The following ZSCAN30 variants were observed in gnomAD, a reference collection of about 807,000 sequenced individuals.
The protein encoded by ZSCAN30 is zinc finger and SCAN domain containing 30.
A neutral mutation model predicts 44.3 loss-of-function variants in ZSCAN30; 37 were observed. The ratio of observed to expected loss-of-function variants is 0.84; its 90% CI spans 0.64 to 1.10. ZSCAN30 has a LOEUF of 1.10. ZSCAN30 is among the 50% of genes least tolerant of loss of function. ZSCAN30 has a pLI of 0.00. For missense variants in ZSCAN30, 549 were observed against 582.6 expected, an observed-to-expected ratio of 0.94 and a Z score of 0.59; for synonymous variants, 181 against 204.6, an observed-to-expected ratio of 0.88 and a Z score of 0.98.
intron 3 of ZSCAN30, chr18:35,255,696 C>T (rs1037900992): frequency 1.9e-5 from 3 of 154,244 alleles, no homozygotes; most frequent in Non-Finnish European, 2.9e-5. Context: ...AATAAAGCAC[C>T]ACAATTGATA....
chr18:35,252,312 G>C lies in ZSCAN30; in HGVS notation c.*1138C>G, dbSNP rs1431793513. 1 of 152,214 alleles carries C rather than the reference G, an allele frequency of 6.6e-6. No homozygotes were observed. The highest frequency in any genetic ancestry group is 1.5e-5 in the Non-Finnish European group (1 of 68,092). 9.4% of individuals were successfully genotyped at this position (152,214 alleles called of 1,614,324 possible). A position where few individuals can be genotyped will look rare whatever the true frequency, so the allele number is the denominator to read the frequency against. ...ATGCATATCAGAGGCTAGAGAGACAGTGGGGACTGGAGTGTTTGTGTCCCA... is the reference window on the plus strand; with the variant it reads ...ATGCATATCAGAGGCTAGAGAGACACTGGGGACTGGAGTGTTTGTGTCCCA... On this transcript the variant is annotated 3_prime_UTR_variant, in exon 4 of 4. Transcript: ENST00000333206.
Position 35,265,307 on chromosome 18 carries a change from A to T in ZSCAN30, c.-103-852T>A, listed in dbSNP as rs1489115986. On this transcript the variant is annotated intron_variant, in intron 1 of 3. Coordinates refer to ENST00000333206, the MANE Select transcript of ZSCAN30 (RefSeq NM_001112734.4). ...AAAGAAGGGAACTCACACTTAATAA[A>T]CACCTACTATGGGCCAAGCACTTTA... Among the ~76,000 whole-genome samples the T allele has an allele frequency of 2.0e-5, 3 of 152,184 alleles. No homozygotes were observed. In the East Asian group the frequency reaches 5.8e-4, roughly 29 times the overall value.
chr18:35,278,521 C>T (rs2044403573), intron 1 of ZSCAN30, among the ~76,000 whole-genome samples: 1 of 152,214 alleles, frequency 6.6e-6, no homozygotes, highest in Non-Finnish European at 1.5e-5. Context: ...CAATTTCTAT[C>T]CTGGATTCTG....
chr18:35,280,517 C>T (rs529924133), intron 1 of ZSCAN30, among the ~76,000 whole-genome samples: 3 of 152,326 alleles, frequency 2.0e-5, no homozygotes, highest in African/African-American at 7.2e-5. Context: ...AGGGAATTAT[C>T]TGACCTGAAC....
intron 3 of ZSCAN30, chr18:35,257,201 T>C (rs2043858377): frequency 6.6e-6 from 1 of 152,402 alleles, no homozygotes. Context: ...TCCTTTTAAC[T>C]AGGGATGTGG....
At chr18:35,272,376 C>T (rs1232572176) in intron 1 of ZSCAN30, among the ~76,000 whole-genome samples, 6 of 132,250 alleles carry the variant, frequency 4.5e-5, no homozygotes, top group Non-Finnish European at 6.3e-5. Flanking sequence ...TAGATGGAGT[C>T]TCGCTCTGTG....
chr18:35,265,750 TC>T (rs1361974275), intron 1 of ZSCAN30, among the ~76,000 whole-genome samples: 3 of 152,296 alleles, frequency 2.0e-5, no homozygotes, highest in African/African-American at 7.2e-5. Flanking sequence ...AAGAGCAGTC[TC>T]AGAATTAAAA....
chr18:35,278,752 T>G lies in ZSCAN30; in HGVS notation c.-104+11332A>C, dbSNP rs536244793. Among the ~76,000 whole-genome samples the G allele has an allele frequency of 2.6e-5, 4 of 152,340 alleles. No homozygotes were observed. In the East Asian group the frequency reaches 7.7e-4, roughly 29 times the overall value. ...CAAGCTACACCTTCTACTCCTTGCT[T>G]GGAAATATCCTCAGCTAAATACTCA... is the stretch of plus-strand genomic sequence containing the variant. On this transcript the variant is annotated intron_variant, in intron 1 of 3. Transcript: ENST00000333206.
chr18:35,253,944 A>C lies in ZSCAN30; in HGVS notation c.991T>G (p.Cys331Gly), dbSNP rs1232473914. 6.2e-7 allele frequency: 1 copy of C among 1,614,042 alleles called. No homozygotes were observed. Among genetic ancestry groups the C allele is most frequent in the East Asian group, 2.2e-5 (1 of 44,888 alleles). Residue 331 changes from cysteine to glycine, a missense_variant, in exon 4 of 4, where the codon TGT becomes GGT. By Grantham distance (159) the Cys-to-Gly change is radical. Transcript: ENST00000333206. The stretch of plus-strand genomic sequence containing the variant: ...CTGAAGGCTTTGCCACATTCTTTAC[A>C]TGCATAAGGTCTCTCTCCAGTATGA... The part of the protein sequence containing the change: ...RIHTGERPYA[C>G]KECGKAFSLS...
intron 1 of ZSCAN30, among the ~76,000 whole-genome samples, chr18:35,274,958 A>G (rs926368046): frequency 6.6e-6 from 1 of 152,146 alleles, no homozygotes; most frequent in Admixed American, 6.5e-5. Flanking sequence ...TCCTTTTTAT[A>G]TATATTGGGC....
intron 1 of ZSCAN30, among the ~76,000 whole-genome samples, chr18:35,278,495 T>C (rs1339336086): frequency 6.6e-6 from 1 of 152,234 alleles, no homozygotes; most frequent in Non-Finnish European, 1.5e-5. Context: ...TCTCTATGGA[T>C]CCTTCCTGGA....
chr18:35,270,526 T>G (rs1345973764), intron 1 of ZSCAN30, among the ~76,000 whole-genome samples: 4 of 152,356 alleles, frequency 2.6e-5, no homozygotes, highest in Non-Finnish European at 5.9e-5. Flanking sequence ...AGTTCTCAAT[T>G]TCTGTCATTG....
rs751215670 is a variant in ZSCAN30, at chr18:35,264,363, G to A, written c.-11C>T. The A allele has an allele frequency of 1.9e-6, 3 of 1,606,986 alleles. No homozygotes were observed. The African/African-American group carries it at 4.0e-5, about 22-fold the overall frequency. ...GGCCTCTCCTGACATTCTGGGCAGA[G>A]ACAGTCTGAAAAGGCTGCCCAGGTG... On this transcript the variant is annotated 5_prime_UTR_variant, in exon 2 of 4. Coordinates refer to ENST00000333206, the MANE Select transcript of ZSCAN30 (RefSeq NM_001112734.4).
In ZSCAN30 at chr18:35,264,210, C is replaced by T. The variant is rs373204256; in HGVS notation, c.143G>A (p.Arg48Gln). ...QENPWSQEVF[R>Q]QKFRQFSYSD... ...GTAACTAAACTGCCTGAACTTCTGC[C>T]GGAATACCTCTTGGCTCCAGGGGTT... The change falls in exon 2 of 4, where the codon CGG becomes CAG. Residue 48 changes from arginine to glutamine, a missense_variant. By Grantham distance (43) the Arg-to-Gln change is conservative. Coordinates refer to ENST00000333206, the MANE Select transcript of ZSCAN30 (RefSeq NM_001112734.4). The T allele has an allele frequency of 3.8e-5, 61 of 1,614,196 alleles. No individual in the cohort carries two copies. Among genetic ancestry groups the T allele is most frequent in the African/African-American group, 2.4e-4 (18 of 75,060 alleles).
intron 3 of ZSCAN30, chr18:35,263,104 G>T: frequency 3.1e-6 from 1 of 325,112 alleles, no homozygotes. Context: ...AGCCAGGCAT[G>T]GTGGTGTACA....
At chr18:35,255,236 C>G (rs1249578772) in intron 3 of ZSCAN30, among the ~76,000 whole-genome samples, 1 of 151,132 alleles carries the variant, frequency 6.6e-6, no homozygotes, top group Non-Finnish European at 1.5e-5. Flanking sequence ...TACTGGAAAT[C>G]TCTCTAGATA....
At position 35,252,319 on chromosome 18, in the gene ZSCAN30, C is replaced by G. The variant is rs565078782; in HGVS notation, c.*1131G>C. ...TCAGAGGCTAGAGAGACAGTGGGGA[C>G]TGGAGTGTTTGTGTCCCATGACTCT... On this transcript the variant is annotated 3_prime_UTR_variant, in exon 4 of 4. Transcript: ENST00000333206. 1 of 152,326 alleles carries G rather than the reference C, an allele frequency of 6.6e-6. No individual in the cohort carries two copies. Among genetic ancestry groups the G allele is most frequent in the East Asian group, 1.9e-4 (1 of 5,178 alleles). The allele number at this position is 152,326 out of a possible 1,614,324, so 9.4% of individuals were successfully genotyped here. A position where few individuals can be genotyped will look rare whatever the true frequency, so the allele number is the denominator to read the frequency against.
At chr18:35,258,174 G>C in intron 3 of ZSCAN30, 1 of 581,138 alleles carries the variant, frequency 1.7e-6, no homozygotes, top group South Asian at 2.0e-5. Flanking sequence ...GCAGGGCTAA[G>C]ACTTTCAAGA....
chr18:35,273,075 C>T (rs72959651), intron 1 of ZSCAN30, among the ~76,000 whole-genome samples: 3 of 152,258 alleles, frequency 2.0e-5, no homozygotes, highest in East Asian at 1.9e-4. Context: ...AGAGCCAAAC[C>T]GTATCAACTT....
Sources: allele counts gnomAD v4.1 joint callset (sites outside exome capture counted in the v4.1 genomes callset), GRCh38; gene constraint gnomAD v4.1.1; transcripts MANE v1.5; gene names NCBI Gene and HGNC (gene_info 2026-07-23, HGNC 2026-07-21).